The following PRPF3 variants were observed in gnomAD, a reference collection of about 807,000 sequenced individuals.
PRPF3 encodes the protein pre-mRNA processing factor 3.
In PRPF3, 3 loss-of-function variants were observed where a neutral mutation model predicts 89.2. The observed-to-expected ratio is 0.03, with a 90% confidence interval of 0.02 to 0.09. PRPF3 has a LOEUF of 0.09. PRPF3 is among the 10% of genes least tolerant of loss of function. PRPF3 has a pLI of 1.00. For synonymous variants in PRPF3, 270 were observed against 289.1 expected (o/e 0.93, Z 0.67); for missense variants, 463 against 828.8 (o/e 0.56, Z 5.42).
chr1:150,352,441 G>A (rs908629601), intron 15 of PRPF3, among the ~76,000 whole-genome samples: 7 of 152,252 alleles, frequency 4.6e-5, no homozygotes, highest in Non-Finnish European at 8.8e-5. Context: ...TGAGGCGGGA[G>A]GATCACGAGG....
At chr1:150,344,283 G>GGAAACCTCGGGCAAGTACCTTT in intron 11 of PRPF3, 22 bp downstream of exon 11, 4 of 1,613,982 alleles carry the variant, frequency 2.5e-6, no homozygotes, top group Non-Finnish European at 3.4e-6. Flanking sequence ...GGGATTGGGT[G>GGAAACCTCGGGCAAGTACCTTT]GAAACCTCGG....
intron 14 of PRPF3, among the ~76,000 whole-genome samples, chr1:150,348,208 G>C (rs184297883): frequency 3.3e-5 from 5 of 151,820 alleles, no homozygotes; most frequent in Middle Eastern, 6.8e-3. Context: ...GTGAAACCCC[G>C]TCTCTACTAA....
intron 6 of PRPF3, among the ~76,000 whole-genome samples, chr1:150,333,751 A>C (rs192392290): frequency 1.1e-3 from 166 of 152,280 alleles, no homozygotes; most frequent in Non-Finnish European, 1.7e-3. Context: ...TGTTGGAGCT[A>C]GGAGTATAGC....
chr1:150,352,230 G>A (rs1250989064), intron 15 of PRPF3, among the ~76,000 whole-genome samples: 2 of 152,086 alleles, frequency 1.3e-5, no homozygotes, highest in African/African-American at 4.8e-5. Context: ...CTTAAGGCCT[G>A]GTAGGAGATA....
chr1:150,341,081 G>A (rs587683998), intron 9 of PRPF3, among the ~76,000 whole-genome samples: 5 of 140,542 alleles, frequency 3.6e-5, no homozygotes, highest in African/African-American at 1.3e-4. Context: ...ACTCCAGCCT[G>A]GATGATACTG....
intron 15 of PRPF3, among the ~76,000 whole-genome samples, 171 bp from the exon 16 acceptor site, chr1:150,352,662 C>T (rs1659063015): frequency 6.6e-6 from 1 of 152,104 alleles, no homozygotes; most frequent in Admixed American, 6.6e-5. Flanking sequence ...GAGACTCTGT[C>T]TCAGAAAAAC....
At chr1:150,321,743 A>G (rs1209011358) in intron 1 of PRPF3, among the ~76,000 whole-genome samples, 151 bp downstream of exon 1, 10 of 137,162 alleles carry the variant, frequency 7.3e-5, no homozygotes, top group African/African-American at 2.4e-4. Context: ...GGTTGGAATG[A>G]GATTGTTGAG....
intron 7 of PRPF3, 86 bp downstream of exon 7, chr1:150,335,327 A>G (rs1056041781): frequency 7.0e-5 from 102 of 1,459,578 alleles, no homozygotes; most frequent in Non-Finnish European, 8.8e-5. Flanking sequence ...GTTCTAGGAA[A>G]TTAGATAAAT....
chr1:150,322,648 C>T (rs1553862384), intron 1 of PRPF3, among the ~76,000 whole-genome samples: 1 of 152,192 alleles, frequency 6.6e-6, no homozygotes, highest in Non-Finnish European at 1.5e-5. Flanking sequence ...CTACTAGCTT[C>T]CTTTGGATAT....
rs1553868782 is a variant in PRPF3, at chr1:150,338,195, A to G, written c.1071A>G (p.Gln357=). 6.2e-7 allele frequency: 1 copy of G among 1,614,176 alleles called. No individual in the cohort carries two copies. Reference sequence around the variant, plus strand: ...AGAAGCTACAGGCAGAGATTTCACAAGCAGCTCGAAAAACAGGCATCCATA... The same window carrying G: ...AGAAGCTACAGGCAGAGATTTCACAGGCAGCTCGAAAAACAGGCATCCATA... ...QLEKLQAEIS[Q]AARKTGIHTS... Residue 357 remains glutamine, a synonymous_variant, in exon 8 of 16, where the codon CAA becomes CAG. Transcript: ENST00000324862.
intron 4 of PRPF3, among the ~76,000 whole-genome samples, chr1:150,332,179 G>A (rs948075988): frequency 1.3e-5 from 2 of 151,006 alleles, no homozygotes; most frequent in Middle Eastern, 3.2e-3. Context: ...AGCCAAGATC[G>A]CACCACTGCA....
chr1:150,347,319 CATACACACA>C (rs1366844765), intron 14 of PRPF3, among the ~76,000 whole-genome samples: 2 of 151,904 alleles, frequency 1.3e-5, no homozygotes, highest in Non-Finnish European at 2.9e-5. Context: ...CACACATACA[CATACACACA>C]ATACACACAC....
At chr1:150,344,039 A>C in intron 10 of PRPF3, 123 bp from the exon 11 acceptor site, 1 of 829,012 alleles carries the variant, frequency 1.2e-6, no homozygotes, top group East Asian at 2.7e-5. Flanking sequence ...TTATTGGAGG[A>C]AGTGAGTTTA....
chr1:150,325,911 C>T, intron 3 of PRPF3, 30 bp downstream of exon 3: 2 of 1,608,520 alleles, frequency 1.2e-6, no homozygotes, highest in Non-Finnish European at 1.7e-6. Context: ...CTAATGAGCT[C>T]AGGACTGTTT....
chr1:150,328,209 G>A (rs587749560), intron 3 of PRPF3, 111 bp from the exon 4 acceptor site: 2 of 1,323,398 alleles, frequency 1.5e-6, no homozygotes, highest in Admixed American at 3.5e-5. Context: ...TTGCAAGGTT[G>A]TGTCATATTC....
At chr1:150,342,222 A>G (rs1657823215) in intron 9 of PRPF3, among the ~76,000 whole-genome samples, 1 of 151,648 alleles carries the variant, frequency 6.6e-6, no homozygotes, top group South Asian at 2.1e-4. Context: ...TCTACTAAAA[A>G]TACAAAAATT....
At chr1:150,350,176 A>G (rs143915766) in intron 15 of PRPF3, among the ~76,000 whole-genome samples, 2,987 of 149,418 alleles carry the variant, frequency 0.02, 123 homozygotes, top group African/African-American at 0.07. Context: ...GATTACAGGC[A>G]TGAGCCACTG....
Position 150,328,403 on chromosome 1 carries a change from A to G in PRPF3, c.360A>G (p.Glu120=), listed in dbSNP as rs1553864406. The G allele has an allele frequency of 1.2e-6, 2 of 1,614,114 alleles. No individual in the cohort carries two copies. The change falls in exon 4 of 16, where the codon GAA becomes GAG. Residue 120 remains glutamate, a synonymous_variant. Coordinates refer to ENST00000324862, the MANE Select transcript of PRPF3 (RefSeq NM_004698.4). ...GAATACCCCGTTTTGAGGAGGTGGA[A>G]GAAGAGCCAGAGGTGATCCCTGGGC... ...KRRIPRFEEV[E]EEPEVIPGPP...
chr1:150,333,595 T>C (rs983344960), intron 6 of PRPF3, among the ~76,000 whole-genome samples: 3 of 152,152 alleles, frequency 2.0e-5, no homozygotes, highest in Middle Eastern at 3.2e-3. Flanking sequence ...TGATCCTCTT[T>C]TTCCACAGAA....
Sources: allele counts gnomAD v4.1 joint callset (sites outside exome capture counted in the v4.1 genomes callset), GRCh38; gene constraint gnomAD v4.1.1; transcripts MANE v1.5; gene names NCBI Gene and HGNC (gene_info 2026-07-23, HGNC 2026-07-21).